The following NOTCH2 variants were observed in gnomAD, a reference collection of about 807,000 sequenced individuals.
The protein encoded by NOTCH2 is neurogenic locus notch homolog protein 2.
Under a neutral mutation model 235.8 loss-of-function variants are expected in NOTCH2, and 29 were observed. That is an observed-to-expected ratio of 0.12 (90% confidence interval 0.09 to 0.17). The LOEUF (loss-of-function observed/expected upper bound fraction) is 0.17, where lower values mean the gene tolerates loss of function less well. NOTCH2 is among the 10% of genes least tolerant of loss of function. The probability of loss-of-function intolerance (pLI) is 1.00; values close to 1 mark genes in which losing one functional copy is unlikely to be tolerated. For missense variants in NOTCH2, 2,285 were observed against 3,150.2 expected, an observed-to-expected ratio of 0.73 and a Z score of 6.57; for synonymous variants, 1,086 against 1,141.5, an observed-to-expected ratio of 0.95 and a Z score of 0.98.
intron 16 of NOTCH2, 136 bp downstream of exon 16, chr1:119,948,871 T>G: frequency 1.6e-6 from 2 of 1,223,574 alleles, no homozygotes; most frequent in Admixed American, 3.4e-5. Context: ...GCAGCTCCTT[T>G]GCAAAACCTG....
intron 17 of NOTCH2, among the ~76,000 whole-genome samples, chr1:119,941,981 A>AGTTTT (rs1650080902): frequency 6.6e-6 from 1 of 152,216 alleles, no homozygotes; most frequent in Non-Finnish European, 1.5e-5. Context: ...CACCACCAAC[A>AGTTTT]GTTTTGTAAA....
At chr1:119,949,325 T>TA (rs1213643366) in intron 15 of NOTCH2, among the ~76,000 whole-genome samples, 199 bp from the exon 16 acceptor site, 1 of 151,032 alleles carries the variant, frequency 6.6e-6, no homozygotes, top group Non-Finnish European at 1.5e-5. Flanking sequence ...AGGGACCTCC[T>TA]ACAACTGTGA....
chr1:119,927,655 C>T (rs1240586699), intron 23 of NOTCH2, among the ~76,000 whole-genome samples: 2 of 152,040 alleles, frequency 1.3e-5, no homozygotes, highest in African/African-American at 4.8e-5. Flanking sequence ...GCTTGTGTTT[C>T]CAGAGAAAAA....
intron 11 of NOTCH2, among the ~76,000 whole-genome samples, chr1:119,960,918 G>A (rs1346468393): frequency 1.3e-5 from 2 of 151,968 alleles, no homozygotes; most frequent in African/African-American, 2.4e-5. Context: ...GTCCCACCTC[G>A]GCCTCCCAAA....
At chr1:120,041,023 A>G in intron 1 of NOTCH2, among the ~76,000 whole-genome samples, 1 of 132,308 alleles carries the variant, frequency 7.6e-6, no homozygotes, top group Non-Finnish European at 1.6e-5. Flanking sequence ...CCTGGGCGAC[A>G]GAGCAAGACT....
intron 10 of NOTCH2, 39 bp from the exon 11 acceptor site, chr1:119,963,846 G>T: frequency 6.5e-7 from 1 of 1,549,022 alleles, no homozygotes; most frequent in Non-Finnish European, 8.9e-7. Flanking sequence ...CAAAGACCAA[G>T]GCAGATATTC....
At chr1:119,963,553 A>C (rs781917184) in intron 11 of NOTCH2, 21 bp downstream of exon 11, 23 of 1,594,576 alleles carry the variant, frequency 1.4e-5, no homozygotes, top group South Asian at 3.3e-5. Flanking sequence ...CCCATACCAA[A>C]CATAAACAGA....
At chr1:120,037,958 A>G (rs1254591303) in intron 1 of NOTCH2, among the ~76,000 whole-genome samples, 1 of 152,150 alleles carries the variant, frequency 6.6e-6, no homozygotes, top group Non-Finnish European at 1.5e-5. Context: ...ATACTATAAA[A>G]AAATCATTCC....
At position 119,950,476 on chromosome 1, in the gene NOTCH2, A is replaced by T. The variant is rs1650427959; in HGVS notation, c.2479+248T>A. Reference sequence around the variant, plus strand: ...ATGTGCCTGGTTCCAGCCACATACAATTAAAAAAAAATTTCTTTCAAATAC... The same window carrying T: ...ATGTGCCTGGTTCCAGCCACATACATTTAAAAAAAAATTTCTTTCAAATAC... On this transcript the variant is annotated intron_variant, in intron 15 of 33. Transcript: ENST00000256646. 12 of 633,566 alleles carry T rather than the reference A, an allele frequency of 1.9e-5. No individual in the cohort carries two copies. The East Asian group carries it at 3.5e-4, about 19-fold the overall frequency. 39.2% of individuals were successfully genotyped at this position (633,566 alleles called of 1,614,324 possible).
At position 119,940,644 on chromosome 1, in the gene NOTCH2, G is replaced by A. The variant is rs2101103821; in HGVS notation, c.3094C>T (p.His1032Tyr). 1.9e-6 allele frequency: 3 copies of A among 1,614,150 alleles called. No individual in the cohort carries two copies. The highest frequency in any genetic ancestry group is 1.1e-5 in the South Asian group (1 of 91,070). The change falls in exon 19 of 34, where the codon CAT becomes TAT. Residue 1032 changes from histidine (H) to tyrosine (Y), a missense_variant. His to Tyr is a moderately conservative substitution (Grantham distance 83). This residue lies in a region of NOTCH2 where 1,173 missense variants were observed against 1,515.3 expected (regional missense o/e 0.77). Transcript: ENST00000256646. Reference protein sequence around the residue: ...CLHEINECSSHPCLNEGTCVD... With the variant: ...CLHEINECSSYPCLNEGTCVD... Reference sequence around the variant, plus strand: ...CACGTTCCCTCATTCAGGCATGGATGAGAGCTGCATTCATTGATCTCATGG... The same window carrying A: ...CACGTTCCCTCATTCAGGCATGGATAAGAGCTGCATTCATTGATCTCATGG...
chr1:119,987,149 AC>A, intron 4 of NOTCH2, 67 bp from the exon 5 acceptor site: 1 of 1,593,340 alleles, frequency 6.3e-7, no homozygotes, highest in Non-Finnish European at 8.6e-7. Flanking sequence ...CTCTGTTCCC[AC>A]AGAACATGGT....
intron 12 of NOTCH2, 55 bp from the exon 13 acceptor site, chr1:119,955,287 C>G: frequency 1.3e-6 from 2 of 1,563,620 alleles, no homozygotes; most frequent in Non-Finnish European, 1.8e-6. Flanking sequence ...GAAATAGACC[C>G]AGAACTATAA....
At chr1:119,988,734 T>A (rs1553202510) in intron 4 of NOTCH2, among the ~76,000 whole-genome samples, 2 of 152,152 alleles carry the variant, frequency 1.3e-5, no homozygotes, top group African/African-American at 4.8e-5. Flanking sequence ...ACTGCTAAAC[T>A]TGAGAGGTCT....
intron 4 of NOTCH2, among the ~76,000 whole-genome samples, chr1:119,987,380 C>A (rs1553202360): frequency 6.6e-6 from 1 of 152,120 alleles, no homozygotes; most frequent in African/African-American, 2.4e-5. Context: ...CTACTTGGGA[C>A]AGAGATATTC....
intron 33 of NOTCH2, 34 bp downstream of exon 33, chr1:119,917,631 G>A: frequency 2.9e-6 from 4 of 1,357,132 alleles, no homozygotes; most frequent in Non-Finnish European, 4.2e-6. Context: ...GCACTGCTAT[G>A]AGCCTCCTCA....
intron 33 of NOTCH2, among the ~76,000 whole-genome samples, chr1:119,917,416 A>G (rs1649124737): frequency 6.6e-6 from 1 of 152,232 alleles, no homozygotes; most frequent in Non-Finnish European, 1.5e-5. Context: ...GGGAAGAGAA[A>G]GAGTTACACC....
chr1:119,922,145 T>G (rs1649306995), intron 28 of NOTCH2, 91 bp downstream of exon 28: 1 of 1,407,792 alleles, frequency 7.1e-7, no homozygotes, highest in African/African-American at 1.4e-5. Flanking sequence ...TGCCCAGAGC[T>G]TAGAATTTAA....
chr1:120,033,925 A>T (rs1457272124), intron 1 of NOTCH2, among the ~76,000 whole-genome samples: 79 of 151,330 alleles, frequency 5.2e-4, no homozygotes, highest in Non-Finnish European at 7.7e-4. Flanking sequence ...TCTAATTTTT[A>T]AAAAAGAAAA....
In NOTCH2 at chr1:120,069,379, A is replaced by G. The variant is rs1553217930; in HGVS notation, c.28T>C (p.Trp10Arg). Residue 10 changes from tryptophan to arginine, a missense_variant, in exon 1 of 34, where the codon TGG becomes CGG. Transcript: ENST00000256646. MPALRPALL[W>R]ALLALWLCCA... ...CACAGCCAGAGCGCCAGCAGCGCCC[A>G]CAGCAGAGCGGGGCGCAGGGCGGGC... 3 of 1,565,650 alleles carry G rather than the reference A, an allele frequency of 1.9e-6. No homozygotes were observed. Among genetic ancestry groups the G allele is most frequent in the South Asian group, 1.1e-5 (1 of 87,010 alleles).
Sources: gnomAD v4.1 joint callset for allele counts (sites outside exome capture counted in the v4.1 genomes callset) on GRCh38, gnomAD v4.1.1 for gene constraint, gnomAD v4.1.1 regional missense constraint, MANE v1.5 for transcripts, NCBI Gene and HGNC (gene_info 2026-07-23, HGNC 2026-07-21) for gene names.